DLGAP1: variants seen among roughly 807,000 people sequenced by gnomAD.
DLGAP1 encodes disks large-associated protein 1.
A neutral mutation model predicts 90.8 loss-of-function variants in DLGAP1; 11 were observed. The observed-to-expected ratio is 0.12, with a 90% CI of 0.08 to 0.20. The LOEUF is 0.20. DLGAP1 is among the 10% of genes least tolerant of loss of function. The probability of loss-of-function intolerance (pLI) is 1.00; values close to 1 mark genes in which losing one functional copy is unlikely to be tolerated. For synonymous variants in DLGAP1, 558 were observed against 540.7 expected (o/e 1.03, Z -0.44); for missense variants, 1,050 against 1,333.8 (o/e 0.79, Z 3.31).
At chr18:3,617,038 C>G (rs1315089537) in intron 7 of DLGAP1, among the ~76,000 whole-genome samples, 1 of 152,068 alleles carries the variant, frequency 6.6e-6, no homozygotes, top group African/African-American at 2.4e-5. Context: ...CTCAGCCAGC[C>G]CCACTTGCTC....
chr18:3,825,315 T>C (rs2067650726), intron 4 of DLGAP1, among the ~76,000 whole-genome samples: 1 of 152,226 alleles, frequency 6.6e-6, no homozygotes, highest in African/African-American at 2.4e-5. Flanking sequence ...CAACACATAT[T>C]TATTGAGTAT....
chr18:3,742,358 G>T lies in DLGAP1; in HGVS notation c.1327C>A (p.Arg443=). Residue 443 remains arginine (R), a synonymous_variant, in exon 6 of 13, where the codon CGA becomes AGA. Coordinates refer to ENST00000315677, the MANE Select transcript of DLGAP1 (RefSeq NM_004746.4). ...KFRSRNESYM[R]AMSTISQVSE... ...ACCTGGCTGATGGTGCTCATGGCTC[G>T]CATGTAGCTCTCATTCCTGGAGCGG... 1.2e-6 allele frequency: 2 copies of T among 1,613,636 alleles called. No individual in the cohort carries two copies. Among genetic ancestry groups the T allele is most frequent in the Middle Eastern group, 1.7e-4 (1 of 6,056 alleles).
intron 7 of DLGAP1, chr18:3,596,523 G>T: frequency 4.9e-6 from 1 of 202,696 alleles, no homozygotes; most frequent in Non-Finnish European, 1.0e-5. Context: ...TCACTTTTCA[G>T]CAACCTGTTG....
intron 2 of DLGAP1, among the ~76,000 whole-genome samples, chr18:4,033,095 A>C (rs993986511): frequency 1.3e-5 from 2 of 152,208 alleles, no homozygotes; most frequent in Non-Finnish European, 2.9e-5. Context: ...GGAAGGTACA[A>C]GAATAATAGT....
At chr18:3,725,221 A>G (rs538720382) in intron 7 of DLGAP1, among the ~76,000 whole-genome samples, 1 of 152,300 alleles carries the variant, frequency 6.6e-6, no homozygotes, top group South Asian at 2.1e-4. Context: ...ATCACCACAT[A>G]TGATTATTAG....
chr18:4,450,209 T>C (rs2083786727), intron 1 of DLGAP1, among the ~76,000 whole-genome samples: 1 of 152,144 alleles, frequency 6.6e-6, no homozygotes, highest in African/African-American at 2.4e-5. Flanking sequence ...AAAGAAATCT[T>C]AGTGATATCT....
rs1598447987 is a variant in DLGAP1 at position 4,454,064 on chromosome 18, G to A, written c.-267+942C>T. 1.3e-5 allele frequency among the ~76,000 whole-genome samples: 2 copies of A among 152,328 alleles called. No homozygotes were observed. The highest frequency in any genetic ancestry group is 6.5e-5 in the Admixed American group (1 of 15,306). The stretch of plus-strand genomic sequence containing the variant: ...CTCAGTGTCTCCGGCGCCGGCAGCC[G>A]AGCCACGGGCCACCCCTTCCCACGG... On this transcript the variant is annotated intron_variant, in intron 1 of 12. Coordinates refer to ENST00000315677, the MANE Select transcript of DLGAP1 (RefSeq NM_004746.4). The surrounding 1 kb of genome is among the most constrained non-coding windows in gnomAD (Gnocchi z 4.7).
intron 2 of DLGAP1, among the ~76,000 whole-genome samples, chr18:4,015,973 T>A (rs1051198206): frequency 2.0e-5 from 3 of 152,204 alleles, no homozygotes; most frequent in Non-Finnish European, 2.9e-5. Context: ...ATATTTTAAT[T>A]CTCCCATGAA....
Position 3,498,618 on chromosome 18 carries a change from C to T in DLGAP1, c.*567G>A, listed in dbSNP as rs2049772729. ...CCCACCCCCAGGCCAGGCTTGGTCC[C>T]CTCTCTCTGTGTCCCTCATGGATTC... is the stretch of plus-strand genomic sequence containing the variant. On this transcript the variant is annotated 3_prime_UTR_variant, in exon 13 of 13. Transcript: ENST00000315677. 1 of 152,266 alleles carries T rather than the reference C, an allele frequency of 6.6e-6. No homozygotes were observed. The highest frequency in any genetic ancestry group is 2.1e-4 in the South Asian group (1 of 4,826). The allele number at this position is 152,266 out of a possible 1,614,324, so 9.4% of individuals were successfully genotyped here.
At chr18:4,265,600 TTTCCTTCCTTCC>T (rs2079101791) in intron 1 of DLGAP1, among the ~76,000 whole-genome samples, 4 of 116,968 alleles carry the variant, frequency 3.4e-5, no homozygotes, top group African/African-American at 1.2e-4. Context: ...TTTTGCTTTC[TTTCCTTCCTTCC>T]TTCCCTCCCT....
intron 2 of DLGAP1, among the ~76,000 whole-genome samples, chr18:4,032,632 A>G (rs1441696712): frequency 6.6e-6 from 1 of 152,190 alleles, no homozygotes; most frequent in Admixed American, 6.5e-5. Flanking sequence ...GGGCCGGCTA[A>G]AATCCAGGGG....
At chr18:3,502,308 C>A in intron 12 of DLGAP1, 185 bp downstream of exon 12, 1 of 1,333,638 alleles carries the variant, frequency 7.5e-7, no homozygotes, top group South Asian at 2.5e-5. Context: ...AAAAATATGC[C>A]TGAAACATAT....
intron 7 of DLGAP1, among the ~76,000 whole-genome samples, chr18:3,590,111 T>C (rs1488509516): frequency 6.6e-6 from 1 of 152,186 alleles, no homozygotes; most frequent in African/African-American, 2.4e-5. Context: ...GGTTTCACCA[T>C]GTTGGTCAGG....
chr18:3,623,692 G>A (rs180796741), intron 7 of DLGAP1, among the ~76,000 whole-genome samples: 2 of 148,236 alleles, frequency 1.3e-5, no homozygotes, highest in Non-Finnish European at 3.0e-5. Context: ...CAGGAGAATC[G>A]CTTGAACCTG....
chr18:3,737,530 T>G (rs1408421825), intron 6 of DLGAP1, among the ~76,000 whole-genome samples: 2 of 149,706 alleles, frequency 1.3e-5, no homozygotes, highest in Admixed American at 1.3e-4. Flanking sequence ...AACCACATGA[T>G]TATCTCAATA....
intron 1 of DLGAP1, among the ~76,000 whole-genome samples, chr18:4,343,045 T>A (rs530274686): frequency 1.3e-5 from 2 of 152,032 alleles, no homozygotes; most frequent in Admixed American, 6.5e-5. Flanking sequence ...CGGTGGCTCA[T>A]GCCTGTAATG....
At chr18:3,586,715 C>G (rs941306408) in intron 7 of DLGAP1, among the ~76,000 whole-genome samples, 2 of 152,200 alleles carry the variant, frequency 1.3e-5, no homozygotes, top group East Asian at 3.8e-4. Context: ...TTCTTCTGCA[C>G]TCCAAAACTC....
At chr18:4,394,503 G>A (rs977468587) in intron 1 of DLGAP1, among the ~76,000 whole-genome samples, 2 of 152,122 alleles carry the variant, frequency 1.3e-5, no homozygotes, top group Non-Finnish European at 2.9e-5. Context: ...CATCTACTTG[G>A]AAGGATTCCT....
At chr18:4,432,963 A>G (rs998361843) in intron 1 of DLGAP1, among the ~76,000 whole-genome samples, 4 of 152,178 alleles carry the variant, frequency 2.6e-5, no homozygotes, top group African/African-American at 9.7e-5. Flanking sequence ...CTATACCACA[A>G]CATTAATTTC....
Sources: gnomAD v4.1 joint callset for allele counts (sites outside exome capture counted in the v4.1 genomes callset) on GRCh38, gnomAD v4.1.1 for gene constraint, Gnocchi (gnomAD v3.1) non-coding constraint, MANE v1.5 for transcripts, NCBI Gene and HGNC (gene_info 2026-07-23, HGNC 2026-07-21) for gene names.